SLC35F4: variants seen among roughly 807,000 people sequenced by gnomAD.
The protein encoded by SLC35F4 is solute carrier family 35 member F4, also known as chromosome 14 open reading frame 36.
A neutral mutation model predicts 44.2 loss-of-function variants in SLC35F4; 24 were observed. The ratio of observed to expected loss-of-function variants is 0.54; its 90% CI spans 0.39 to 0.76. SLC35F4 has a LOEUF of 0.76. Among genes scored for constraint, SLC35F4 ranks in the 30% least tolerant of loss-of-function variants. The pLI is 0.00. For missense variants in SLC35F4, 562 were observed against 586.1 expected (o/e 0.96, Z 0.42); for synonymous variants, 238 against 223.6 (o/e 1.06, Z -0.57).
intron 1 of SLC35F4, among the ~76,000 whole-genome samples, chr14:57,608,796 G>C (rs1398345445): frequency 9.7e-4 from 18 of 18,542 alleles, no homozygotes; most frequent in Admixed American, 4.6e-3. Flanking sequence ...CCGGGGGGGG[G>C]CGGCGGGGGG....
At chr14:57,822,618 C>T (rs1883288776) in intron 1 of SLC35F4, among the ~76,000 whole-genome samples, 1 of 151,982 alleles carries the variant, frequency 6.6e-6, no homozygotes, top group African/African-American at 2.4e-5. Context: ...AATTCAAAGA[C>T]CCATAAAGAA....
intron 1 of SLC35F4, among the ~76,000 whole-genome samples, chr14:57,895,430 C>G (rs1333984222): frequency 6.6e-6 from 1 of 152,094 alleles, no homozygotes; most frequent in African/African-American, 2.4e-5. Context: ...CTGCCCAAAT[C>G]TCATGCTAAA....
intron 1 of SLC35F4, among the ~76,000 whole-genome samples, chr14:57,710,547 T>C (rs2075792516): frequency 6.6e-6 from 1 of 151,976 alleles, no homozygotes; most frequent in Non-Finnish European, 1.5e-5. Context: ...ACCATGCACC[T>C]GGAAAAGCCA....
chr14:57,680,556 G>C (rs116957496), intron 1 of SLC35F4, among the ~76,000 whole-genome samples: 4 of 151,918 alleles, frequency 2.6e-5, no homozygotes, highest in African/African-American at 9.7e-5. Context: ...AAGGGTATTC[G>C]AAAAGGGAAA....
intron 1 of SLC35F4, among the ~76,000 whole-genome samples, chr14:57,947,983 T>A (rs1890066343): frequency 6.6e-6 from 1 of 152,184 alleles, no homozygotes; most frequent in Non-Finnish European, 1.5e-5. Flanking sequence ...TGGTCTATAG[T>A]TTTCTTTTTT....
chr14:57,763,613 C>T (rs987883928), intron 1 of SLC35F4, among the ~76,000 whole-genome samples: 4 of 152,072 alleles, frequency 2.6e-5, no homozygotes, highest in African/African-American at 9.7e-5. Flanking sequence ...TAAAGTGGTG[C>T]CTGAAACACA....
chr14:57,880,077 GA>G, intron 1 of SLC35F4, among the ~76,000 whole-genome samples: 1 of 129,398 alleles, frequency 7.7e-6, no homozygotes, highest in East Asian at 2.0e-4. Flanking sequence ...AGGAAGGAAG[GA>G]AGGAAGGAAG....
intron 1 of SLC35F4, among the ~76,000 whole-genome samples, chr14:57,773,496 G>T (rs951931444): frequency 1.3e-5 from 2 of 152,110 alleles, no homozygotes; most frequent in Non-Finnish European, 2.9e-5. Flanking sequence ...TGTCACCAAG[G>T]TCTGTGCCAT....
At chr14:57,964,408 A>T (rs35724549) in intron 1 of SLC35F4, among the ~76,000 whole-genome samples, 1,255 of 47,158 alleles carry the variant, frequency 0.027, 18 homozygotes, top group African/African-American at 0.21. Flanking sequence ...CTCTAAATTT[A>T]AAAAAAAAAT....
chr14:57,953,923 G>A lies in SLC35F4; in HGVS notation n.282+27990C>T, dbSNP rs139428013. 7.4e-3 allele frequency among the ~76,000 whole-genome samples: 1,127 copies of A among 152,194 alleles called. 14 individuals carry two copies. The highest frequency in any genetic ancestry group is 0.023 in the African/African-American group (957 of 41,518). ...ACTTGAATGCAACTCTGGACAAAGC[G>A]GACCTAATAGACATCTACAGAACTC... On this transcript the variant is annotated intron_variant and non_coding_transcript_variant, in intron 1 of 1. Coordinates refer to the SLC35F4 transcript ENST00000556568.
At chr14:57,810,156 T>C (rs988915199) in intron 1 of SLC35F4, among the ~76,000 whole-genome samples, 6 of 152,228 alleles carry the variant, frequency 3.9e-5, no homozygotes, top group African/African-American at 1.4e-4. Flanking sequence ...TCCTCCATCC[T>C]GAGCCAGCAG....
rs17093253 is a variant in SLC35F4, at chr14:57,864,243, T to C, written c.103+1480A>G. Among the ~76,000 whole-genome samples the C allele has an allele frequency of 0.024, 3,605 of 152,328 alleles. 442 individuals are homozygous for C. The East Asian group carries it at 0.4, about 17-fold the overall frequency. Reference sequence around the variant, plus strand: ...CAAGATATATTAGTTCCTTTACTTATGTTTCCAGGGTTAAAAAAGAAATCC... The same window carrying C: ...CAAGATATATTAGTTCCTTTACTTACGTTTCCAGGGTTAAAAAAGAAATCC... On this transcript the variant is annotated intron_variant, in intron 1 of 7. Coordinates refer to ENST00000556826, the MANE Select transcript of SLC35F4 (RefSeq NM_001306087.2).
chr14:57,626,676 G>T (rs968459466), intron 1 of SLC35F4, among the ~76,000 whole-genome samples: 5 of 152,104 alleles, frequency 3.3e-5, no homozygotes, highest in African/African-American at 1.2e-4. Context: ...TATTAGAGCT[G>T]GATGGAACTT....
chr14:57,869,041 G>A (rs941699146), upstream of SLC35F4, among the ~76,000 whole-genome samples: 15 of 151,956 alleles, frequency 9.9e-5, no homozygotes, highest in African/African-American at 3.1e-4. Flanking sequence ...TTTTTTGTGC[G>A]CTCTTCAGGA....
chr14:57,624,240 A>G (rs1307165908), intron 1 of SLC35F4, among the ~76,000 whole-genome samples: 1 of 152,208 alleles, frequency 6.6e-6, no homozygotes, highest in Non-Finnish European at 1.5e-5. Flanking sequence ...CCCTCTCAAG[A>G]CTAAACCAGG....
chr14:57,742,079 A>T (rs910741332), intron 1 of SLC35F4, among the ~76,000 whole-genome samples: 6 of 152,234 alleles, frequency 3.9e-5, no homozygotes, highest in African/African-American at 9.7e-5. Flanking sequence ...GGAAGCACTA[A>T]ACATGGAAAG....
intron 1 of SLC35F4, among the ~76,000 whole-genome samples, chr14:57,675,489 T>C (rs2074662340): frequency 1.3e-5 from 2 of 152,022 alleles, no homozygotes; most frequent in South Asian, 4.1e-4. Flanking sequence ...TCTTTTCCAA[T>C]TTAGATGCCC....
Position 57,945,244 on chromosome 14 carries a change from C to A in SLC35F4, n.282+36669G>T, listed in dbSNP as rs180828478. ...TTGCTGAAAGCCATGCATCCACAAA[C>A]AGACAATGGATTTGTGAATTACCAA... On this transcript the variant is annotated intron_variant and non_coding_transcript_variant, in intron 1 of 1. Transcript: ENST00000556568. Among the ~76,000 whole-genome samples the A allele has an allele frequency of 8.5e-3, 1,290 of 152,142 alleles. 22 individuals are homozygous for A. The highest frequency in any genetic ancestry group is 0.027 in the African/African-American group (1,137 of 41,494).
intron 1 of SLC35F4, among the ~76,000 whole-genome samples, chr14:57,644,278 T>C (rs1361742465): frequency 6.6e-6 from 1 of 152,182 alleles, no homozygotes; most frequent in African/African-American, 2.4e-5. Flanking sequence ...CTCCAGCACC[T>C]GTTGTTTCCT....
Sources: allele counts gnomAD v4.1 joint callset (sites outside exome capture counted in the v4.1 genomes callset), GRCh38; gene constraint gnomAD v4.1.1; transcripts MANE v1.5; gene names NCBI Gene and HGNC (gene_info 2026-07-23, HGNC 2026-07-21).